COL24A1: variants seen among roughly 807,000 people sequenced by gnomAD.
The protein encoded by COL24A1 is collagen alpha-1(XXIV) chain.
COL24A1 carries 224 observed loss-of-function variants against 253.9 expected under a neutral mutation model. That is an observed-to-expected ratio of 0.88 (90% CI 0.79 to 0.99). The LOEUF (loss-of-function observed/expected upper bound fraction) is 0.99, where lower values mean the gene tolerates loss of function less well. Among genes scored for constraint, COL24A1 ranks in the 50% least tolerant of loss-of-function variants. The probability of loss-of-function intolerance (pLI) is 0.00; values close to 1 mark genes in which losing one functional copy is unlikely to be tolerated. For missense variants in COL24A1, 2,131 were observed against 2,068.5 expected (o/e 1.03, Z -0.59); for synonymous variants, 685 against 673.7 (o/e 1.02, Z -0.26).
chr1:85,907,172 C>T (rs756669873), intron 28 of COL24A1, 22 bp downstream of exon 28: 4 of 1,603,234 alleles, frequency 2.5e-6, no homozygotes, highest in Non-Finnish European at 3.4e-6. Flanking sequence ...GGTTAATGTA[C>T]TTTTTTCCTT....
At chr1:85,922,080 C>G (rs868530143) in intron 24 of COL24A1, among the ~76,000 whole-genome samples, 17 of 151,652 alleles carry the variant, frequency 1.1e-4, no homozygotes, top group African/African-American at 3.9e-4. Context: ...GATTGAAGAT[C>G]AAATTAATGA....
At chr1:85,925,705 A>C (rs1168556414) in intron 24 of COL24A1, among the ~76,000 whole-genome samples, 1 of 152,232 alleles carries the variant, frequency 6.6e-6, no homozygotes, top group African/African-American at 2.4e-5. Flanking sequence ...TGTTAGACTT[A>C]AAACCATAAA....
intron 37 of COL24A1, among the ~76,000 whole-genome samples, chr1:85,858,668 CTT>C (rs1678776109): frequency 2.7e-5 from 4 of 149,894 alleles, no homozygotes; most frequent in African/African-American, 9.8e-5. Flanking sequence ...TCCTTCCTTC[CTT>C]CCTTCCTTCC....
At chr1:85,875,161 A>T in intron 34 of COL24A1, 116 bp downstream of exon 34, 1 of 853,502 alleles carries the variant, frequency 1.2e-6, no homozygotes, top group East Asian at 2.6e-5. Flanking sequence ...TCCTGTTTTT[A>T]TCTGGGGGCT....
intron 5 of COL24A1, among the ~76,000 whole-genome samples, chr1:86,096,666 C>T (rs1484147234): frequency 6.6e-6 from 1 of 152,144 alleles, no homozygotes; most frequent in Non-Finnish European, 1.5e-5. Context: ...CCCTTTCTCT[C>T]TCTGTCTTAT....
intron 53 of COL24A1, among the ~76,000 whole-genome samples, chr1:85,775,132 A>T (rs188082028): frequency 4.6e-5 from 7 of 152,320 alleles, no homozygotes; most frequent in African/African-American, 1.4e-4. Flanking sequence ...TTAGGTACCC[A>T]GTAGTCATTC....
At chr1:86,130,487 T>G (rs971329518) in intron 2 of COL24A1, among the ~76,000 whole-genome samples, 1 of 151,920 alleles carries the variant, frequency 6.6e-6, no homozygotes, top group Non-Finnish European at 1.5e-5. Flanking sequence ...GGTTTGTATT[T>G]TTATTCTAAG....
At chr1:86,063,971 A>G in intron 7 of COL24A1, among the ~76,000 whole-genome samples, 1 of 151,904 alleles carries the variant, frequency 6.6e-6, no homozygotes. Flanking sequence ...CTTATTAATA[A>G]TTTAATCTTG....
chr1:85,921,159 T>C (rs1479806705), intron 24 of COL24A1, among the ~76,000 whole-genome samples: 1 of 152,100 alleles, frequency 6.6e-6, no homozygotes, highest in Non-Finnish European at 1.5e-5. Context: ...TGCAAGGGGT[T>C]GGGGGACTTC....
intron 43 of COL24A1, among the ~76,000 whole-genome samples, chr1:85,830,847 A>C (rs1178613978): frequency 6.6e-6 from 1 of 152,112 alleles, no homozygotes; most frequent in Non-Finnish European, 1.5e-5. Context: ...AGATGAACCC[A>C]GTACCTCAGA....
At chr1:86,102,545 C>G (rs1704563797) in intron 5 of COL24A1, among the ~76,000 whole-genome samples, 1 of 152,130 alleles carries the variant, frequency 6.6e-6, no homozygotes, top group African/African-American at 2.4e-5. Context: ...CTTAATACTG[C>G]CTTAGCTGTG....
At chr1:86,104,382 C>T (rs369530109) in intron 5 of COL24A1, among the ~76,000 whole-genome samples, 36 of 152,268 alleles carry the variant, frequency 2.4e-4, no homozygotes, top group African/African-American at 8.7e-4. Flanking sequence ...TCTGTCATTT[C>T]AGCCATCTCA....
intron 37 of COL24A1, among the ~76,000 whole-genome samples, chr1:85,849,789 T>C (rs1457714282): frequency 6.6e-6 from 1 of 152,186 alleles, no homozygotes; most frequent in African/African-American, 2.4e-5. Flanking sequence ...CCCAAAGGCA[T>C]CCATCTCAGC....
intron 19 of COL24A1, among the ~76,000 whole-genome samples, chr1:85,989,157 C>T (rs1268144626): frequency 6.6e-6 from 1 of 152,016 alleles, no homozygotes; most frequent in African/African-American, 2.4e-5. Flanking sequence ...AATCAAGACA[C>T]TTCTAGCTCC....
At chr1:85,784,598 G>A (rs1669481733) in intron 48 of COL24A1, among the ~76,000 whole-genome samples, 1 of 152,154 alleles carries the variant, frequency 6.6e-6, no homozygotes, top group African/African-American at 2.4e-5. Context: ...AGAGATTGTG[G>A]TGATGTGTGG....
intron 7 of COL24A1, among the ~76,000 whole-genome samples, chr1:86,085,924 G>A (rs1703028657): frequency 2.0e-5 from 3 of 152,098 alleles, no homozygotes; most frequent in African/African-American, 7.2e-5. Context: ...AGAGAATACT[G>A]CTGCTAATTT....
chr1:85,847,577 G>A lies in COL24A1; in HGVS notation c.3462+88C>T. ...ATGGAACTATTGCTTTGTCTGTAAA[G>A]CTAATCAAGGGATGAAACTTTAAGG... On this transcript the variant is annotated intron_variant, in intron 39 of 59. Transcript: ENST00000370571. The A allele has an allele frequency of 3.4e-6, 3 of 877,234 alleles. No individual in the cohort carries two copies. In the Admixed American group the frequency reaches 5.9e-5, roughly 17 times the overall value. The allele number at this position is 877,234 out of a possible 1,614,324, so 54.3% of individuals were successfully genotyped here. A position where few individuals can be genotyped will look rare whatever the true frequency, so the allele number is the denominator to read the frequency against.
intron 14 of COL24A1, chr1:86,030,246 A>G (rs1011179424): frequency 1.3e-5 from 2 of 152,250 alleles, no homozygotes; most frequent in Admixed American, 6.5e-5. Flanking sequence ...ATAAAGCCTT[A>G]GCAAGAATTT....
intron 37 of COL24A1, among the ~76,000 whole-genome samples, chr1:85,853,867 C>G (rs1047162838): frequency 4.6e-5 from 7 of 151,966 alleles, no homozygotes; most frequent in African/African-American, 1.7e-4. Flanking sequence ...GGATATTAGA[C>G]CTTTGTTGGA....
Sources: gnomAD v4.1 joint callset for allele counts (sites outside exome capture counted in the v4.1 genomes callset) on GRCh38, gnomAD v4.1.1 for gene constraint, MANE v1.5 for transcripts, NCBI Gene and HGNC (gene_info 2026-07-23, HGNC 2026-07-21) for gene names.